The following SLC16A10 variants were observed in gnomAD, a reference collection of about 807,000 sequenced individuals.
SLC16A10 encodes solute carrier family 16 member 10, also known as monocarboxylate transporter 10.
A neutral mutation model predicts 40.0 loss-of-function variants in SLC16A10; 27 were observed. The observed-to-expected ratio is 0.67, with a 90% confidence interval of 0.50 to 0.93. SLC16A10 has a LOEUF of 0.93. Among genes scored for constraint, SLC16A10 ranks in the 40% least tolerant of loss-of-function variants. The pLI, the probability that SLC16A10 is intolerant of heterozygous loss-of-function variation, is 0.00. For synonymous variants in SLC16A10, 213 were observed against 249.8 expected (o/e 0.85, Z 1.39); for missense variants, 529 against 658.2 (o/e 0.80, Z 2.15).
intron 4 of SLC16A10, among the ~76,000 whole-genome samples, chr6:111,213,435 A>G (rs554093883): frequency 5.1e-4 from 77 of 152,334 alleles, no homozygotes; most frequent in African/African-American, 1.7e-3. Flanking sequence ...CCTATCCATC[A>G]GTCTGCCTAA....
At chr6:111,095,089 G>A (rs1345678144) in intron 1 of SLC16A10, among the ~76,000 whole-genome samples, 1 of 152,230 alleles carries the variant, frequency 6.6e-6, no homozygotes. Flanking sequence ...TTAGGAAAAT[G>A]TCAAACTCCC....
intron 1 of SLC16A10, among the ~76,000 whole-genome samples, chr6:111,092,164 A>G (rs1317243931): frequency 6.6e-6 from 1 of 152,114 alleles, no homozygotes; most frequent in Admixed American, 6.6e-5. Context: ...GCCAACTCCA[A>G]GTTGGGCAGT....
At chr6:111,185,917 T>A (rs1337910614) in intron 3 of SLC16A10, among the ~76,000 whole-genome samples, 3 of 149,642 alleles carry the variant, frequency 2.0e-5, no homozygotes, top group Non-Finnish European at 4.5e-5. Context: ...TTTTTTTTTT[T>A]AAGACAGGGT....
Position 111,226,634 on chromosome 6 carries a change from T to C in SLC16A10, c.*4399T>C, listed in dbSNP as rs560737813. On this transcript the variant is annotated 3_prime_UTR_variant, in exon 6 of 6. Coordinates refer to ENST00000368851, the MANE Select transcript of SLC16A10 (RefSeq NM_018593.5). The stretch of plus-strand genomic sequence containing the variant: ...AAGGAAATAAAACTATTACCTTCTT[T>C]TTACATCTATATGTTTTTATAATTT... 1 of 152,364 alleles carries C rather than the reference T, an allele frequency of 6.6e-6. No individual in the cohort carries two copies. Among genetic ancestry groups the C allele is most frequent in the East Asian group, 1.9e-4 (1 of 5,190 alleles). The allele number at this position is 152,364 out of a possible 1,614,324, so 9.4% of individuals were successfully genotyped here.
intron 4 of SLC16A10, among the ~76,000 whole-genome samples, chr6:111,210,634 T>A (rs993726499): frequency 6.6e-6 from 1 of 151,768 alleles, no homozygotes; most frequent in Non-Finnish European, 1.5e-5. Context: ...CGAATGTGTG[T>A]GGAAACCCAA....
At chr6:111,164,114 G>C (rs1583337709) in intron 1 of SLC16A10, among the ~76,000 whole-genome samples, 1 of 152,142 alleles carries the variant, frequency 6.6e-6, no homozygotes, top group East Asian at 1.9e-4. Context: ...AATTTCTTTT[G>C]CAAGATTAAT....
chr6:111,170,336 G>A (rs141356884), intron 1 of SLC16A10, among the ~76,000 whole-genome samples: 51 of 152,248 alleles, frequency 3.3e-4, no homozygotes, highest in African/African-American at 1.2e-3. Flanking sequence ...TATAAAAGTT[G>A]CTTTTATCTA....
At chr6:111,108,009 G>A (rs888160878) in intron 1 of SLC16A10, among the ~76,000 whole-genome samples, 3 of 151,878 alleles carry the variant, frequency 2.0e-5, no homozygotes, top group African/African-American at 7.2e-5. Context: ...AAATTATTAG[G>A]CATTCACTTA....
At chr6:111,096,856 T>A (rs756765594) in intron 1 of SLC16A10, among the ~76,000 whole-genome samples, 4 of 152,186 alleles carry the variant, frequency 2.6e-5, no homozygotes, top group Non-Finnish European at 5.9e-5. Flanking sequence ...TCTTGCTCTC[T>A]TGCTCAGACT....
intron 1 of SLC16A10, among the ~76,000 whole-genome samples, chr6:111,102,254 T>C (rs1771204291): frequency 6.6e-6 from 1 of 152,234 alleles, no homozygotes; most frequent in Non-Finnish European, 1.5e-5. Context: ...TGTTACACAT[T>C]GCCAGATTAT....
intron 3 of SLC16A10, among the ~76,000 whole-genome samples, chr6:111,188,840 C>T (rs915582793): frequency 6.6e-6 from 1 of 152,134 alleles, no homozygotes; most frequent in African/African-American, 2.4e-5. Context: ...CTCATGGTAA[C>T]CTTTTATAAG....
At chr6:111,178,879 G>A (rs907263713) in intron 3 of SLC16A10, among the ~76,000 whole-genome samples, 3 of 152,226 alleles carry the variant, frequency 2.0e-5, no homozygotes, top group African/African-American at 2.4e-5. Context: ...AAGTATAGCC[G>A]AACCAACTTA....
At chr6:111,172,512 T>C (rs1329561084) in intron 1 of SLC16A10, among the ~76,000 whole-genome samples, 183 bp from the exon 2 acceptor site, 1 of 152,188 alleles carries the variant, frequency 6.6e-6, no homozygotes, top group Admixed American at 6.5e-5. Flanking sequence ...GTAACTATTA[T>C]CCAGGTCAGC....
At chr6:111,098,131 A>G (rs142399057) in intron 1 of SLC16A10, among the ~76,000 whole-genome samples, 2,022 of 151,830 alleles carry the variant, frequency 0.013, no homozygotes, top group African/African-American at 0.047. Flanking sequence ...ACATGGAGAA[A>G]CCCTGTCTCT....
At chr6:111,090,094 G>A (rs1051527193) in intron 1 of SLC16A10, among the ~76,000 whole-genome samples, 7 of 151,600 alleles carry the variant, frequency 4.6e-5, no homozygotes, top group Non-Finnish European at 1.5e-5. Flanking sequence ...AGTGAGGGAA[G>A]GAACCTGGTT....
At chr6:111,215,498 C>T (rs1274416628) in intron 4 of SLC16A10, among the ~76,000 whole-genome samples, 2 of 151,212 alleles carry the variant, frequency 1.3e-5, no homozygotes, top group African/African-American at 2.4e-5. Context: ...AATATATATT[C>T]CTGAAAACCT....
At chr6:111,182,097 C>T (rs965958258) in intron 3 of SLC16A10, among the ~76,000 whole-genome samples, 10 of 151,852 alleles carry the variant, frequency 6.6e-5, no homozygotes, top group Non-Finnish European at 1.5e-4. Context: ...TTCCCGGATT[C>T]AAGTGATTCT....
intron 1 of SLC16A10, among the ~76,000 whole-genome samples, chr6:111,157,356 T>G (rs1456540937): frequency 6.6e-6 from 1 of 151,906 alleles, no homozygotes; most frequent in East Asian, 1.9e-4. Context: ...TGATCTTGGC[T>G]CACTGCTACC....
intron 3 of SLC16A10, among the ~76,000 whole-genome samples, chr6:111,177,907 A>G (rs1226443353): frequency 1.3e-5 from 2 of 152,124 alleles, no homozygotes; most frequent in Non-Finnish European, 1.5e-5. Flanking sequence ...GCCAGACACC[A>G]TGGTGCCTGT....
Sources: gnomAD v4.1 joint callset for allele counts (sites outside exome capture counted in the v4.1 genomes callset) on GRCh38, gnomAD v4.1.1 for gene constraint, MANE v1.5 for transcripts, NCBI Gene and HGNC (gene_info 2026-07-23, HGNC 2026-07-21) for gene names.